PRR33: variants seen among roughly 807,000 people sequenced by gnomAD.
PRR33 encodes proline rich 33.
PRR33 carries 1 observed loss-of-function variant against 0.5 expected under a neutral mutation model. That is an observed-to-expected ratio of 2.18 (90% CI 0.77 to 10.34). The LOEUF (loss-of-function observed/expected upper bound fraction) is 10.34. Ranked by LOEUF, PRR33 falls within the 30% of genes most tolerant of loss-of-function variation. The pLI, the probability that PRR33 is intolerant of heterozygous loss-of-function variation, is 0.13. For missense variants in PRR33, 552 were observed against 251.8 expected (o/e 2.19, Z -8.07); for synonymous variants, 226 against 110.0 (o/e 2.06, Z -6.60).
exon 1 of PRR33, chr11:1,891,158 C>T (rs1007339570): frequency 2.6e-5 from 4 of 154,640 alleles, no homozygotes; most frequent in South Asian, 2.0e-4. Context: ...GTAGATTGGC[C>T]GGAAGGTGGG....
At position 1,888,981 on chromosome 11, in the gene PRR33, G is replaced by A. The variant is rs914544543; in HGVS notation, c.*164C>T. 5.7e-6 allele frequency: 3 copies of A among 530,522 alleles called. No individual in the cohort carries two copies. In the African/African-American group the frequency reaches 6.0e-5, roughly 11 times the overall value. 32.9% of individuals were successfully genotyped at this position (530,522 alleles called of 1,614,324 possible). ...ACCTGACCACCCTCCTAACCATGCAGACTTCCCTCAGCACCCCATGTGCCC... is the reference window on the plus strand; with the variant it reads ...ACCTGACCACCCTCCTAACCATGCAAACTTCCCTCAGCACCCCATGTGCCC... On this transcript the variant is annotated 3_prime_UTR_variant, in exon 1 of 1. Coordinates refer to ENST00000640310, the Ensembl canonical transcript of PRR33.
chr11:1,896,148 T>A (rs563741130), upstream of PRR33, among the ~76,000 whole-genome samples: 1 of 152,352 alleles, frequency 6.6e-6, no homozygotes, highest in Admixed American at 6.5e-5. Flanking sequence ...AGCTCTTCAA[T>A]TGTGTTCTTT....
the PRR33 span, among the ~76,000 whole-genome samples, chr11:1,915,118 C>A: frequency 7.6e-6 from 1 of 131,592 alleles, no homozygotes; most frequent in East Asian, 2.4e-4. Context: ...TTTGTGGGGT[C>A]ACACACCTGG....
the PRR33 span, among the ~76,000 whole-genome samples, chr11:1,916,995 C>T: frequency 6.6e-6 from 1 of 152,240 alleles, no homozygotes; most frequent in South Asian, 2.1e-4. Context: ...TTGCTACAAG[C>T]CCCTAGGCCA....
the PRR33 span, among the ~76,000 whole-genome samples, chr11:1,901,162 A>G: frequency 3.3e-5 from 5 of 152,264 alleles, no homozygotes; most frequent in African/African-American, 1.2e-4. Context: ...AAAATACAAA[A>G]TTAGTCGGGC....
At chr11:1,917,253 G>A in the PRR33 span, among the ~76,000 whole-genome samples, 1 of 152,142 alleles carries the variant, frequency 6.6e-6, no homozygotes, top group Non-Finnish European at 1.5e-5. Flanking sequence ...GACCCTCTTG[G>A]TCTCCACCAC....
chr11:1,890,783 A>G, exon 1 of PRR33: 2 of 595,854 alleles, frequency 3.4e-6, no homozygotes, highest in South Asian at 4.1e-5. Context: ...GGGTGGCCCC[A>G]CCATCACCCT....
upstream of PRR33, among the ~76,000 whole-genome samples, chr11:1,893,121 G>A (rs556442980): frequency 1.5e-5 from 2 of 130,616 alleles, no homozygotes; most frequent in East Asian, 4.3e-4. Context: ...ATGAATAGGG[G>A]ATGGATGAAT....
At chr11:1,915,607 G>T in the PRR33 span, among the ~76,000 whole-genome samples, 1 of 47,930 alleles carries the variant, frequency 2.1e-5, no homozygotes. Flanking sequence ...GTATGTGTGT[G>T]TGTGCGGGGT....
At chr11:1,909,123 G>T in the PRR33 span, among the ~76,000 whole-genome samples, 1 of 152,110 alleles carries the variant, frequency 6.6e-6, no homozygotes, top group African/African-American at 2.4e-5. Context: ...GGTAGCTCAC[G>T]CCTGTAATCC....
chr11:1,913,267 C>T, the PRR33 span, among the ~76,000 whole-genome samples: 1 of 151,898 alleles, frequency 6.6e-6, no homozygotes, highest in Non-Finnish European at 1.5e-5. Context: ...GCTGGGACTA[C>T]AGGCACCCAC....
In PRR33 at chr11:1,889,764, C is replaced by T. The variant is rs1228993407; in HGVS notation, c.821G>A (p.Cys274Tyr). The T allele has an allele frequency of 1.8e-5, 12 of 650,066 alleles. No homozygotes were observed. In the South Asian group the frequency reaches 1.9e-4, roughly 10 times the overall value. 40.3% of individuals were successfully genotyped at this position (650,066 alleles called of 1,614,324 possible). A position where few individuals can be genotyped will look rare whatever the true frequency, so the allele number is the denominator to read the frequency against. ...GTGCGGTGAGGACTCCAGCGAGCGG[C>T]AGGTCGGGGCTATGGGCACCACAAC... Residue 274 changes from cysteine to tyrosine, a missense_variant, in exon 1 of 1, where the codon TGC becomes TAC. Coordinates refer to ENST00000640310, the Ensembl canonical transcript of PRR33.
chr11:1,897,479 A>G, the PRR33 span, among the ~76,000 whole-genome samples: 34 of 152,188 alleles, frequency 2.2e-4, no homozygotes, highest in African/African-American at 8.2e-4. The surrounding 1 kb of genome is among the most constrained non-coding windows in gnomAD (Gnocchi z 4.0). Flanking sequence ...CTTAGGACCT[A>G]TCTGCTTCCG....
At chr11:1,905,010 A>G in the PRR33 span, among the ~76,000 whole-genome samples, 1 of 151,436 alleles carries the variant, frequency 6.6e-6, no homozygotes, top group African/African-American at 2.4e-5. Flanking sequence ...TTTCTGTTTT[A>G]TCAGCTTCTA....
chr11:1,889,484 C>T (rs1424372428), exon 1 of PRR33: 1 of 620,032 alleles, frequency 1.6e-6, no homozygotes, highest in Non-Finnish European at 3.0e-6. Context: ...GGGTGGGCAC[C>T]TCTGGCTCCA....
the PRR33 span, among the ~76,000 whole-genome samples, chr11:1,904,161 T>G: frequency 1.3e-5 from 2 of 152,204 alleles, no homozygotes; most frequent in Non-Finnish European, 2.9e-5. Context: ...CTGTGGGTCC[T>G]CCATTGGTCA....
At chr11:1,909,565 C>G in the PRR33 span, among the ~76,000 whole-genome samples, 1 of 152,140 alleles carries the variant, frequency 6.6e-6, no homozygotes, top group Non-Finnish European at 1.5e-5. Context: ...GAGCCAAGAT[C>G]ATCACTGCAC....
chr11:1,891,844 C>G (rs990564467), exon 1 of PRR33: 1 of 152,382 alleles, frequency 6.6e-6, no homozygotes, highest in Non-Finnish European at 1.5e-5. Context: ...CAGACACCCG[C>G]CCCCCGGCCC....
At chr11:1,900,565 G>A in the PRR33 span, among the ~76,000 whole-genome samples, 1 of 152,198 alleles carries the variant, frequency 6.6e-6, no homozygotes, top group Admixed American at 6.5e-5. Context: ...GACTGTGTGT[G>A]TTTGTGAGTT....
Sources: gnomAD v4.1 joint callset for allele counts (sites outside exome capture counted in the v4.1 genomes callset) on GRCh38, gnomAD v4.1.1 for gene constraint, Gnocchi (gnomAD v3.1) non-coding constraint, MANE v1.5 for transcripts, NCBI Gene and HGNC (gene_info 2026-07-23, HGNC 2026-07-21) for gene names.